The following CALN1 variants were observed in gnomAD, a reference collection of about 807,000 sequenced individuals.
CALN1 encodes the protein calcium-binding protein 8.
In CALN1, 17 loss-of-function variants were observed where a neutral mutation model predicts 30.6. The observed-to-expected ratio is 0.56, with a 90% CI of 0.38 to 0.83. CALN1 has a LOEUF of 0.83. Ranked by LOEUF, CALN1 falls within the 40% of genes least tolerant of loss-of-function variation. CALN1 has a pLI of 0.00. For synonymous variants in CALN1, 156 were observed against 131.4 expected, an observed-to-expected ratio of 1.19 and a Z score of -1.28; for missense variants, 291 against 354.9, an observed-to-expected ratio of 0.82 and a Z score of 1.45.
intron 3 of CALN1, among the ~76,000 whole-genome samples, chr7:72,109,695 A>G (rs1807423700): frequency 6.6e-6 from 1 of 152,220 alleles, no homozygotes; most frequent in South Asian, 2.1e-4. Flanking sequence ...GCTCAAGGAC[A>G]CTGTGGTGGA....
At position 71,883,415 on chromosome 7, in the gene CALN1, A is replaced by C. The variant is rs117190310; in HGVS notation, c.502-72923T>G. Among the ~76,000 whole-genome samples, 716 of 152,302 alleles carry C rather than the reference A, an allele frequency of 4.7e-3. 2 individuals are homozygous for C. The highest frequency in any genetic ancestry group is 6.2e-3 in the Non-Finnish European group (419 of 68,032). ...ACCAAAAATGGTGGGGGATGTCTTC[A>C]GAGCCTCAGAACTCAGTAGCATTTT... On this transcript the variant is annotated intron_variant, in intron 5 of 6. Transcript: ENST00000395275.
At chr7:72,242,200 G>C (rs979043135) in intron 3 of CALN1, among the ~76,000 whole-genome samples, 3 of 152,126 alleles carry the variant, frequency 2.0e-5, no homozygotes, top group Non-Finnish European at 4.4e-5. Context: ...TGTAGTGTGT[G>C]TCAGAATGTC....
At chr7:72,290,077 CTTAAAAAAAA>C (rs1798370883) in intron 2 of CALN1, among the ~76,000 whole-genome samples, 1 of 64,450 alleles carries the variant, frequency 1.6e-5, no homozygotes, top group Non-Finnish European at 2.5e-5. Context: ...GAGACCCTGT[CTTAAAAAAAA>C]AAAAAAAAAA....
At chr7:72,290,983 G>A (rs35649137) in intron 2 of CALN1, among the ~76,000 whole-genome samples, 1,921 of 151,206 alleles carry the variant, frequency 0.013, 49 homozygotes, top group Non-Finnish European at 0.013. Flanking sequence ...GAGTGTAGTG[G>A]TGCAATTTGG....
chr7:71,864,202 C>G (rs965341065), intron 5 of CALN1, among the ~76,000 whole-genome samples: 18 of 152,312 alleles, frequency 1.2e-4, no homozygotes, highest in African/African-American at 4.3e-4. Flanking sequence ...CAATTACCCA[C>G]AGTCTTTTAT....
At chr7:72,387,254 GAGGAAGGGAGGAAGGGAGGA>G (rs1805274451) in intron 2 of CALN1, among the ~76,000 whole-genome samples, 11 of 28,328 alleles carry the variant, frequency 3.9e-4, no homozygotes, top group African/African-American at 1.0e-3. Flanking sequence ...GGGAGGGAGG[GAGGAAGGGAGGAAGGGAGGA>G]AGGGAGGGAG....
intron 6 of CALN1, among the ~76,000 whole-genome samples, chr7:71,800,791 T>C (rs1414482258): frequency 6.6e-6 from 1 of 151,638 alleles, no homozygotes; most frequent in African/African-American, 2.4e-5. Flanking sequence ...TATTTTCTTT[T>C]GTTTTGACTC....
At chr7:72,374,052 T>C (rs964299931) in intron 2 of CALN1, among the ~76,000 whole-genome samples, 2 of 152,130 alleles carry the variant, frequency 1.3e-5, no homozygotes, top group African/African-American at 4.8e-5. Context: ...AATAAAGACA[T>C]TCTCACATGC....
At chr7:72,396,422 C>A (rs867748083) in intron 2 of CALN1, among the ~76,000 whole-genome samples, 1,224 of 113,100 alleles carry the variant, frequency 0.011, no homozygotes, top group South Asian at 0.013. Flanking sequence ...GACTCTGTCT[C>A]AAAAAAAAAA....
chr7:72,384,155 C>CA (rs796298155), intron 2 of CALN1, among the ~76,000 whole-genome samples: 4 of 152,268 alleles, frequency 2.6e-5, no homozygotes, highest in African/African-American at 9.6e-5. Context: ...TGGCAGGGGA[C>CA]ATTTTTGCAG....
chr7:72,428,955 G>A (rs935154087), intron 1 of CALN1, among the ~76,000 whole-genome samples: 2 of 152,100 alleles, frequency 1.3e-5, no homozygotes, highest in African/African-American at 2.4e-5. Context: ...ATACACACAG[G>A]GCAGACCTCC....
At chr7:72,127,698 G>T (rs573966749) in intron 3 of CALN1, among the ~76,000 whole-genome samples, 2 of 152,310 alleles carry the variant, frequency 1.3e-5, no homozygotes, top group Admixed American at 6.5e-5. Flanking sequence ...AAATCCAGAA[G>T]GTTTGTTTGA....
intron 2 of CALN1, among the ~76,000 whole-genome samples, chr7:72,326,298 C>T (rs1159346172): frequency 6.6e-6 from 1 of 152,186 alleles, no homozygotes; most frequent in Non-Finnish European, 1.5e-5. Flanking sequence ...AGGATGAAGG[C>T]TTTAGCTAGT....
chr7:72,189,313 A>C lies in CALN1; in HGVS notation c.245-83019T>G, dbSNP rs73357152. 7.4e-3 allele frequency among the ~76,000 whole-genome samples: 1,133 copies of C among 152,284 alleles called. 7 individuals carry two copies. The highest frequency in any genetic ancestry group is 0.024 in the African/African-American group (989 of 41,558). On this transcript the variant is annotated intron_variant, in intron 3 of 6. Transcript: ENST00000395275. ...AAAGTAATATCCGTGTATTGTTTGG[A>C]GAGCGGACTTTTTTGCTTTACTCCT...
At chr7:72,010,540 G>A (rs1385819696) in intron 5 of CALN1, among the ~76,000 whole-genome samples, 2 of 152,052 alleles carry the variant, frequency 1.3e-5, no homozygotes, top group African/African-American at 4.8e-5. Context: ...AATCAGGTGC[G>A]GTGGCTCACA....
intron 5 of CALN1, among the ~76,000 whole-genome samples, chr7:71,832,671 G>A (rs1354117459): frequency 6.6e-6 from 1 of 152,030 alleles, no homozygotes; most frequent in African/African-American, 2.4e-5. Flanking sequence ...CACAATCTTG[G>A]CTCACTGCAA....
rs984874760 is a variant in CALN1, at chr7:72,385,234, T to G, written c.119+18017A>C. 5.9e-5 allele frequency among the ~76,000 whole-genome samples: 9 copies of G among 152,326 alleles called. No individual in the cohort carries two copies. In the South Asian group the frequency reaches 1.9e-3, roughly 32 times the overall value. ...GGTATAGTCACTTTGGGAGACAATT[T>G]AGAAGTTTCTTACAAGGCTAAACGT... On this transcript the variant is annotated intron_variant, in intron 2 of 6. Transcript: ENST00000395275.
At chr7:71,985,592 T>C (rs540910303) in intron 5 of CALN1, among the ~76,000 whole-genome samples, 54 of 140,206 alleles carry the variant, frequency 3.9e-4, no homozygotes, top group African/African-American at 1.4e-3. Flanking sequence ...TTCTTTTTTT[T>C]TTTTTTTTTT....
At chr7:72,465,374 C>T in the CALN1 span, among the ~76,000 whole-genome samples, 1 of 152,222 alleles carries the variant, frequency 6.6e-6, no homozygotes, top group Non-Finnish European at 1.5e-5. Context: ...TTTTGAGCTT[C>T]TGGGCTCTGT....
Sources: allele counts gnomAD v4.1 joint callset (sites outside exome capture counted in the v4.1 genomes callset), GRCh38; gene constraint gnomAD v4.1.1; transcripts MANE v1.5; gene names NCBI Gene and HGNC (gene_info 2026-07-23, HGNC 2026-07-21).